The following SDHB variants were observed in gnomAD, a reference collection of about 807,000 sequenced individuals.
The protein encoded by SDHB is succinate dehydrogenase complex iron sulfur subunit B.
SDHB carries 21 observed loss-of-function variants against 39.7 expected under a neutral mutation model. The observed-to-expected ratio is 0.53, with a 90% CI of 0.37 to 0.76. The LOEUF is 0.76. Among genes scored for constraint, SDHB ranks in the 30% least tolerant of loss-of-function variants. The probability of loss-of-function intolerance (pLI) is 0.00; values close to 1 mark genes in which losing one functional copy is unlikely to be tolerated. For missense variants in SDHB, 343 were observed against 350.9 expected, an observed-to-expected ratio of 0.98 and a Z score of 0.18; for synonymous variants, 118 against 117.0, an observed-to-expected ratio of 1.01 and a Z score of -0.06.
At position 17,032,553 on chromosome 1, in the gene SDHB, A is replaced by C. The variant is rs2078029461; in HGVS notation, c.286+507T>G. The C allele has an allele frequency of 3.2e-5, 6 of 189,786 alleles. No individual in the cohort carries two copies. In the South Asian group the frequency reaches 6.3e-4, roughly 20 times the overall value. The allele number at this position is 189,786 out of a possible 1,614,324, so 11.8% of individuals were successfully genotyped here. On this transcript the variant is annotated intron_variant, in intron 3 of 7. Transcript: ENST00000375499. ...ATTCATGTAGAAAATGTTAGTCTGC[A>C]CACTGCCTCAAATGGGCTCATGTGG... is the stretch of plus-strand genomic sequence containing the variant.
intron 5 of SDHB, 26 bp downstream of exon 5, chr1:17,027,723 T>C (rs2101521483): frequency 7.6e-7 from 1 of 1,314,708 alleles, no homozygotes; most frequent in Non-Finnish European, 1.1e-6. Context: ...TTCTTCAGAT[T>C]GAAACAATAA....
At chr1:17,044,972 G>A (rs1211997808) in intron 1 of SDHB, 84 bp from the exon 2 acceptor site, 15 of 1,220,024 alleles carry the variant, frequency 1.2e-5, no homozygotes, top group African/African-American at 1.5e-5. Flanking sequence ...CAGATGTAAC[G>A]CTGGATATAA....
chr1:17,023,623 T>C (rs2077975158), intron 6 of SDHB, among the ~76,000 whole-genome samples: 1 of 152,194 alleles, frequency 6.6e-6, no homozygotes, highest in African/African-American at 2.4e-5. Flanking sequence ...AAGACACTGC[T>C]TTCTCCCCTG....
intron 2 of SDHB, among the ~76,000 whole-genome samples, chr1:17,034,450 G>A (rs887501181): frequency 1.3e-5 from 2 of 151,784 alleles, no homozygotes; most frequent in African/African-American, 2.4e-5. Context: ...GTGCGATCTC[G>A]GCTCACTGCA....
At chr1:17,051,102 T>G (rs2078144511) in intron 1 of SDHB, among the ~76,000 whole-genome samples, 1 of 152,214 alleles carries the variant, frequency 6.6e-6, no homozygotes. Context: ...TAATTCCATT[T>G]CACAATGAGA....
At chr1:17,022,917 T>C in intron 6 of SDHB, 187 bp from the exon 7 acceptor site, 1 of 688,824 alleles carries the variant, frequency 1.5e-6, no homozygotes, top group Non-Finnish European at 2.5e-6. Flanking sequence ...TTCACTTGAT[T>C]AATGGTCCCT....
chr1:17,026,877 T>C (rs887030965), intron 5 of SDHB, among the ~76,000 whole-genome samples: 4 of 152,160 alleles, frequency 2.6e-5, no homozygotes, highest in Non-Finnish European at 5.9e-5. Flanking sequence ...GTGATCCTCC[T>C]ACCTCAGCCT....
At chr1:17,023,941 A>AT in intron 6 of SDHB, 32 bp downstream of exon 6, 3 of 1,534,626 alleles carry the variant, frequency 2.0e-6, no homozygotes, top group Non-Finnish European at 2.7e-6. Context: ...TTGAGTTTCA[A>AT]TTTCTCTTAA....
chr1:17,041,115 G>A (rs534500619), intron 2 of SDHB, among the ~76,000 whole-genome samples: 1 of 152,098 alleles, frequency 6.6e-6, no homozygotes, highest in Non-Finnish European at 1.5e-5. Context: ...GGATGACAGA[G>A]CAAGACTCCG....
At chr1:17,044,126 G>A (rs537693832) in intron 2 of SDHB, among the ~76,000 whole-genome samples, 5 of 151,842 alleles carry the variant, frequency 3.3e-5, no homozygotes, top group South Asian at 2.1e-4. Flanking sequence ...AGTTTCTGGC[G>A]GTTCTGTTAT....
At chr1:17,042,954 GTTTTTT>G (rs143394198) in intron 2 of SDHB, among the ~76,000 whole-genome samples, 8 of 62,894 alleles carry the variant, frequency 1.3e-4, no homozygotes, top group African/African-American at 2.7e-4. Context: ...TGTTTTATGA[GTTTTTT>G]TTTTTTTTTT....
At chr1:17,038,131 ACT>A (rs1257149241) in intron 2 of SDHB, among the ~76,000 whole-genome samples, 1 of 150,566 alleles carries the variant, frequency 6.6e-6, no homozygotes, top group Non-Finnish European at 1.5e-5. Context: ...AAGAGCGAAA[ACT>A]CTGTCTCAAA....
At chr1:17,039,182 T>C (rs966213610) in intron 2 of SDHB, among the ~76,000 whole-genome samples, 2 of 152,092 alleles carry the variant, frequency 1.3e-5, no homozygotes. Context: ...TGCTGTTCTC[T>C]TCTTCTTTTC....
rs1234004492 is a variant in SDHB at position 17,044,325 on chromosome 1, A to AT, written c.200+435dup. Among the ~76,000 whole-genome samples, 1,408 of 140,996 alleles carry AT rather than the reference A, an allele frequency of 1.0e-2. 12 individuals carry two copies. Among genetic ancestry groups the AT allele is most frequent in the Admixed American group, 0.014 (193 of 14,126 alleles). 92.5% of individuals were successfully genotyped at this position (140,996 alleles called of 152,430 possible). A position where few individuals can be genotyped will look rare whatever the true frequency, so the allele number is the denominator to read the frequency against. On this transcript the variant is annotated intron_variant, in intron 2 of 7. Transcript: ENST00000375499. ...TTCTTCTGAATCAGGTAACAACCTC[A>AT]TTTTTTTTTTTTTTTTGGAGACAGA...
chr1:17,051,806 C>A (rs1223763333), intron 1 of SDHB, among the ~76,000 whole-genome samples: 1 of 151,820 alleles, frequency 6.6e-6, no homozygotes, highest in Non-Finnish European at 1.5e-5. Context: ...GTATCCTAGC[C>A]CTGCCAGCCT....
chr1:17,024,216 G>GTGAT lies in SDHB; in HGVS notation c.541-146_541-143dup. 4.3e-6 allele frequency: 3 copies of GTGAT among 699,286 alleles called. No individual in the cohort carries two copies. The South Asian group carries it at 4.5e-5, about 10-fold the overall frequency. 43.3% of individuals were successfully genotyped at this position (699,286 alleles called of 1,614,324 possible). A position where few individuals can be genotyped will look rare whatever the true frequency, so the allele number is the denominator to read the frequency against. ...GAATTTTCTTAGCAAAATCCAAGGG[G>GTGAT]TGATTTGCAGATATTTAGCAGATTA... is the stretch of plus-strand genomic sequence containing the variant. On this transcript the variant is annotated intron_variant, in intron 5 of 7. Transcript: ENST00000375499.
chr1:17,033,352 C>T (rs1003698754), intron 2 of SDHB, among the ~76,000 whole-genome samples: 1 of 152,200 alleles, frequency 6.6e-6, no homozygotes, highest in African/African-American at 2.4e-5. Context: ...AGTGCAAACA[C>T]ATTTCTAGGA....
intron 5 of SDHB, 108 bp from the exon 6 acceptor site, chr1:17,024,182 C>G: frequency 1.3e-6 from 1 of 757,488 alleles, no homozygotes; most frequent in Non-Finnish European, 2.3e-6. Flanking sequence ...AAAGTGCCTA[C>G]TTGCATGTGA....
At chr1:17,032,799 C>T (rs4920390) in intron 3 of SDHB, 50 of 520,622 alleles carry the variant, frequency 9.6e-5, no homozygotes, top group South Asian at 3.5e-4. Context: ...GGCCTTGAAG[C>T]GTGGAGCAGC....
Sources: allele counts gnomAD v4.1 joint callset (sites outside exome capture counted in the v4.1 genomes callset), GRCh38; gene constraint gnomAD v4.1.1; transcripts MANE v1.5; gene names NCBI Gene and HGNC (gene_info 2026-07-23, HGNC 2026-07-21).